WAPL: variants seen among roughly 807,000 people sequenced by gnomAD.
WAPL encodes the protein WAPL cohesin release factor.
A neutral mutation model predicts 121.0 loss-of-function variants in WAPL; 5 were observed. The ratio of observed to expected loss-of-function variants is 0.04; its 90% CI spans 0.02 to 0.09. The LOEUF (loss-of-function observed/expected upper bound fraction) is 0.09. WAPL is among the 10% of genes least tolerant of loss of function. WAPL has a pLI of 1.00. For synonymous variants in WAPL, 480 were observed against 481.5 expected (o/e 1.00, Z 0.04); for missense variants, 999 against 1,410.8 (o/e 0.71, Z 4.68).
At position 86,437,475 on chromosome 10, in the gene WAPL, T is replaced by C; in HGVS notation, c.*68A>G. ...GGTATATCTTCAAGGACTTCTTTCA[T>C]GACTTGACTTTTCTTTGTCTAAGGA... On this transcript the variant is annotated 3_prime_UTR_variant, in exon 19 of 19. Coordinates refer to ENST00000298767, the MANE Select transcript of WAPL (RefSeq NM_015045.5). The C allele has an allele frequency of 2.6e-6, 4 of 1,529,362 alleles. No homozygotes were observed. The highest frequency in any genetic ancestry group is 1.2e-5 in the South Asian group (1 of 84,638). The allele number at this position is 1,529,362 out of a possible 1,614,324, so 94.7% of individuals were successfully genotyped here.
chr10:86,478,573 A>G (rs1049352238), intron 4 of WAPL, among the ~76,000 whole-genome samples: 6 of 151,604 alleles, frequency 4.0e-5, no homozygotes, highest in Admixed American at 3.9e-4. Context: ...TAGTAATCTT[A>G]AATATATTAT....
Position 86,517,646 on chromosome 10 carries a change from C to T in WAPL, c.424G>A (p.Gly142Arg). The T allele has an allele frequency of 6.2e-7, 1 of 1,613,816 alleles. No homozygotes were observed. Among genetic ancestry groups the T allele is most frequent in the East Asian group, 2.2e-5 (1 of 44,844 alleles). The change falls in exon 2 of 19, where the codon GGG (glycine) becomes AGG (arginine). Residue 142 changes from glycine (G) to arginine (R), a missense_variant. Coordinates refer to ENST00000298767, the MANE Select transcript of WAPL (RefSeq NM_015045.5). The part of the protein sequence containing the change: ...KCFPLEDTLL[G>R]KEKSTNRIVE... Reference sequence around the variant, plus strand: ...ATTCGGTTTGTGCTCTTTTCTTTCCCAAGTAAAGTGTCCTCCAAAGGGAAG... The same window carrying T: ...ATTCGGTTTGTGCTCTTTTCTTTCCTAAGTAAAGTGTCCTCCAAAGGGAAG...
rs866884264 is a variant in WAPL, at chr10:86,455,511, T to C, written c.2658-1680A>G. On this transcript the variant is annotated intron_variant, in intron 12 of 18. Transcript: ENST00000298767. Reference sequence around the variant, plus strand: ...GCTCGTTAAGAGTCATCACCACTCCTTAATCTCAAGTACCCAGGGACACAA... The same window carrying C: ...GCTCGTTAAGAGTCATCACCACTCCCTAATCTCAAGTACCCAGGGACACAA... Among the ~76,000 whole-genome samples, 240 of 151,424 alleles carry C rather than the reference T, an allele frequency of 1.6e-3. 1 individual carries two copies. The highest frequency in any genetic ancestry group is 5.5e-3 in the African/African-American group (228 of 41,330).
intron 4 of WAPL, among the ~76,000 whole-genome samples, chr10:86,492,081 T>G (rs1212086430): frequency 6.6e-6 from 1 of 152,228 alleles, no homozygotes; most frequent in African/African-American, 2.4e-5. Context: ...TCAACTATTT[T>G]TAATTTGACA....
chr10:86,483,814 T>G (rs1480530883), intron 4 of WAPL, among the ~76,000 whole-genome samples: 2 of 140,828 alleles, frequency 1.4e-5, no homozygotes, highest in Non-Finnish European at 3.0e-5. Flanking sequence ...TTTTTTTTTT[T>G]TTGGCAGTCT....
intron 16 of WAPL, chr10:86,444,087 C>G (rs1201038931): frequency 6.6e-6 from 1 of 152,194 alleles, no homozygotes; most frequent in Admixed American, 6.6e-5. Flanking sequence ...AAACAAGATA[C>G]ACAAATGGCC....
intron 4 of WAPL, among the ~76,000 whole-genome samples, chr10:86,482,529 T>C (rs893646142): frequency 2.0e-5 from 3 of 152,164 alleles, no homozygotes; most frequent in African/African-American, 7.2e-5. Context: ...CTAAAGAGAA[T>C]CATTACTCCT....
chr10:86,519,214 TAA>T (rs1003051505), intron 1 of WAPL, among the ~76,000 whole-genome samples: 3 of 152,206 alleles, frequency 2.0e-5, no homozygotes, highest in African/African-American at 7.2e-5. Flanking sequence ...CTGTGCCTAT[TAA>T]AAAGTTATAG....
intron 2 of WAPL, among the ~76,000 whole-genome samples, chr10:86,514,791 A>C (rs1842524542): frequency 6.6e-6 from 1 of 152,216 alleles, no homozygotes; most frequent in Non-Finnish European, 1.5e-5. Context: ...CTAAACGTTC[A>C]ACTTTATTAA....
Position 86,473,433 on chromosome 10 carries a change from T to C in WAPL, c.1740+445A>G, listed in dbSNP as rs562869064. Among the ~76,000 whole-genome samples, 162 of 152,272 alleles carry C rather than the reference T, an allele frequency of 1.1e-3. 1 individual carries two copies. Among genetic ancestry groups the C allele is most frequent in the African/African-American group, 3.8e-3 (157 of 41,576 alleles). On this transcript the variant is annotated intron_variant, in intron 5 of 18. Transcript: ENST00000298767. ...GGAGAAAATAAGTTGCTAAGAATCT[T>C]TTTCCTAATGTTTTGGATTGAAAAG...
At chr10:86,444,564 T>C (rs1241316965) in intron 16 of WAPL, among the ~76,000 whole-genome samples, 1 of 152,082 alleles carries the variant, frequency 6.6e-6, no homozygotes, top group African/African-American at 2.4e-5. Flanking sequence ...AAGAAGCCAG[T>C]CATAAAAGGC....
At chr10:86,508,758 CTTT>C (rs34530024) in intron 2 of WAPL, among the ~76,000 whole-genome samples, 2 of 116,782 alleles carry the variant, frequency 1.7e-5, no homozygotes, top group African/African-American at 3.4e-5. Flanking sequence ...ATTGAAAGTT[CTTT>C]TTTTTTTTTT....
At chr10:86,496,274 C>A (rs199824099) in intron 4 of WAPL, among the ~76,000 whole-genome samples, 2 of 152,096 alleles carry the variant, frequency 1.3e-5, no homozygotes, top group Non-Finnish European at 2.9e-5. Context: ...AGGCTATTAT[C>A]AAAAAACAGA....
chr10:86,514,570 C>G (rs1264776453), intron 2 of WAPL, among the ~76,000 whole-genome samples: 1 of 152,142 alleles, frequency 6.6e-6, no homozygotes, highest in Admixed American at 6.6e-5. Flanking sequence ...CCTCACAGAC[C>G]AATTAAAATG....
intron 4 of WAPL, among the ~76,000 whole-genome samples, chr10:86,494,017 A>G (rs976938088): frequency 6.6e-6 from 1 of 152,302 alleles, no homozygotes; most frequent in Middle Eastern, 3.4e-3. Context: ...AATATTTTAT[A>G]AAGATGTTAA....
chr10:86,437,413 A>G lies in WAPL; in HGVS notation c.*130T>C. On this transcript the variant is annotated 3_prime_UTR_variant, in exon 19 of 19. Coordinates refer to ENST00000298767, the MANE Select transcript of WAPL (RefSeq NM_015045.5). ...CATGACGAAGAAATCAGGTGGCCTT[A>G]AAAATCCAAACACGAATGATACTGA... is the stretch of plus-strand genomic sequence containing the variant. 1 of 935,200 alleles carries G rather than the reference A, an allele frequency of 1.1e-6. No homozygotes were observed. The highest frequency in any genetic ancestry group is 1.5e-6 in the Non-Finnish European group (1 of 650,428). 57.9% of individuals were successfully genotyped at this position (935,200 alleles called of 1,614,324 possible).
At chr10:86,515,928 C>T (rs1329726425) in intron 2 of WAPL, among the ~76,000 whole-genome samples, 1 of 118,906 alleles carries the variant, frequency 8.4e-6, no homozygotes. Context: ...TGCAGTGGTG[C>T]GATCTCGGCT....
chr10:86,477,123 A>C (rs1379443462), intron 4 of WAPL, among the ~76,000 whole-genome samples: 2 of 152,228 alleles, frequency 1.3e-5, no homozygotes. Flanking sequence ...GAGATATTGA[A>C]GACACATCTA....
chr10:86,508,214 A>G (rs1232311965), intron 2 of WAPL, among the ~76,000 whole-genome samples: 3 of 151,376 alleles, frequency 2.0e-5, no homozygotes, highest in Admixed American at 6.6e-5. Context: ...GCTCCCCCAA[A>G]CCCCCCAAGT....
Sources: allele counts gnomAD v4.1 joint callset (sites outside exome capture counted in the v4.1 genomes callset), GRCh38; gene constraint gnomAD v4.1.1; transcripts MANE v1.5; gene names NCBI Gene and HGNC (gene_info 2026-07-23, HGNC 2026-07-21).